The following HACD3 variants were observed in gnomAD, a reference collection of about 807,000 sequenced individuals.
HACD3 encodes the protein very-long-chain (3R)-3-hydroxyacyl-CoA dehydratase 3.
Under a neutral mutation model 55.2 loss-of-function variants are expected in HACD3, and 30 were observed. The ratio of observed to expected loss-of-function variants is 0.54; its 90% CI spans 0.41 to 0.74. HACD3 has a LOEUF of 0.74. Ranked by LOEUF, HACD3 falls within the 30% of genes least tolerant of loss-of-function variation. The pLI is 0.00. For synonymous variants in HACD3, 141 were observed against 151.7 expected (o/e 0.93, Z 0.52); for missense variants, 363 against 440.1 (o/e 0.82, Z 1.57).
chr15:65,541,612 G>T (rs2072019763), intron 1 of HACD3, among the ~76,000 whole-genome samples: 1 of 152,214 alleles, frequency 6.6e-6, no homozygotes, highest in Admixed American at 6.5e-5. Flanking sequence ...AGCAGGGACA[G>T]TTCTATGATT....
chr15:65,571,464 G>T (rs1596219820), intron 8 of HACD3, 84 bp from the exon 9 acceptor site: 4 of 990,596 alleles, frequency 4.0e-6, no homozygotes, highest in Admixed American at 2.1e-5. Flanking sequence ...CTGAGAAATA[G>T]AATTCTTCTA....
chr15:65,564,448 G>A, intron 7 of HACD3, 106 bp downstream of exon 7: 2 of 1,366,768 alleles, frequency 1.5e-6, no homozygotes, highest in South Asian at 1.5e-5. Context: ...ACATACCTGA[G>A]ACTGGGCAGT....
At chr15:65,533,907 C>T (rs1157504290) in intron 1 of HACD3, among the ~76,000 whole-genome samples, 2 of 151,890 alleles carry the variant, frequency 1.3e-5, no homozygotes, top group East Asian at 3.9e-4. Flanking sequence ...AAAAAATTAG[C>T]CAGGCGTGGT....
At chr15:65,551,571 G>GT (rs1296295679) in intron 1 of HACD3, 105 bp from the exon 2 acceptor site, 1 of 1,280,324 alleles carries the variant, frequency 7.8e-7, no homozygotes, top group African/African-American at 1.5e-5. Flanking sequence ...CAGAGTAGGA[G>GT]TTTGAGTCCT....
At chr15:65,530,829 A>G (rs1473788951) in intron 1 of HACD3, 111 bp downstream of exon 1, 29 of 1,087,470 alleles carry the variant, frequency 2.7e-5, no homozygotes, top group Non-Finnish European at 3.7e-5. Flanking sequence ...CAGTGCGCCA[A>G]CAAGGTCGGC....
chr15:65,551,598 G>A, intron 1 of HACD3, 78 bp from the exon 2 acceptor site: 1 of 1,527,828 alleles, frequency 6.5e-7, no homozygotes, highest in Non-Finnish European at 9.1e-7. Flanking sequence ...AGAGGGATGA[G>A]GGGAAGAAGC....
At chr15:65,540,036 A>T (rs2072005024) in intron 1 of HACD3, among the ~76,000 whole-genome samples, 1 of 152,190 alleles carries the variant, frequency 6.6e-6, no homozygotes, top group East Asian at 1.9e-4. Context: ...GAAATTGTAT[A>T]ATGTATCTGT....
intron 1 of HACD3, among the ~76,000 whole-genome samples, chr15:65,550,338 G>A (rs1481288496): frequency 2.0e-5 from 3 of 152,104 alleles, no homozygotes; most frequent in African/African-American, 7.2e-5. Flanking sequence ...AGTGAGCCGA[G>A]ACTGAGCCAT....
At chr15:65,566,374 G>C (rs987028673) in intron 7 of HACD3, 1 of 153,316 alleles carries the variant, frequency 6.5e-6, no homozygotes, top group African/African-American at 2.4e-5. Flanking sequence ...CCTGAAACCA[G>C]GCCGTTTACA....
intron 10 of HACD3, among the ~76,000 whole-genome samples, chr15:65,574,963 G>C (rs909710550): frequency 6.6e-6 from 1 of 152,130 alleles, no homozygotes; most frequent in South Asian, 2.1e-4. Context: ...GGGTAGAGGG[G>C]TAGAAATATT....
In HACD3 at chr15:65,562,805, T is replaced by A. The variant is rs1003443238; in HGVS notation, c.453T>A (p.Phe151Leu). Reference sequence around the variant, plus strand: ...CAAACTTAAGGAAAGGATACCTGTTTATGTATAATCTTGTGCAATTCTTGG... The same window carrying A: ...CAAACTTAAGGAAAGGATACCTGTTAATGTATAATCTTGTGCAATTCTTGG... ...TLTNLRKGYL[F>L]MYNLVQFLGF... The change falls in exon 6 of 11, where the codon TTT becomes TTA. Residue 151 changes from phenylalanine (F) to leucine (L), a missense_variant. Coordinates refer to ENST00000261875, the MANE Select transcript of HACD3 (RefSeq NM_016395.4). 1 of 1,613,888 alleles carries A rather than the reference T, an allele frequency of 6.2e-7. No individual in the cohort carries two copies. The highest frequency in any genetic ancestry group is 1.1e-5 in the South Asian group (1 of 91,074).
chr15:65,572,631 A>C (rs780894877), intron 10 of HACD3, among the ~76,000 whole-genome samples: 1 of 152,220 alleles, frequency 6.6e-6, no homozygotes, highest in Non-Finnish European at 1.5e-5. Flanking sequence ...AAAACAATGT[A>C]AGGGGACAGG....
chr15:65,553,804 G>A (rs1410029459), intron 2 of HACD3, among the ~76,000 whole-genome samples: 1 of 152,220 alleles, frequency 6.6e-6, no homozygotes, highest in African/African-American at 2.4e-5. Flanking sequence ...AGGAAAGAGA[G>A]TCCCAGAAGG....
intron 5 of HACD3, among the ~76,000 whole-genome samples, chr15:65,561,492 C>T (rs958204583): frequency 1.3e-5 from 2 of 151,922 alleles, no homozygotes; most frequent in Non-Finnish European, 2.9e-5. Flanking sequence ...AAAAATTGAG[C>T]CGGAGCTGAG....
chr15:65,557,113 C>G (rs1443609552), intron 4 of HACD3, among the ~76,000 whole-genome samples: 1 of 152,192 alleles, frequency 6.6e-6, no homozygotes, highest in Non-Finnish European at 1.5e-5. Flanking sequence ...TCTCTTACAA[C>G]TAGACTAAGG....
intron 1 of HACD3, among the ~76,000 whole-genome samples, chr15:65,546,053 G>T (rs1478798238): frequency 6.6e-6 from 1 of 152,156 alleles, no homozygotes; most frequent in East Asian, 1.9e-4. Context: ...AGTTATTCTG[G>T]TCTTAGCTGA....
intron 5 of HACD3, 38 bp from the exon 6 acceptor site, chr15:65,562,735 AT>A: frequency 6.2e-7 from 1 of 1,603,154 alleles, no homozygotes; most frequent in South Asian, 1.1e-5. Flanking sequence ...TGCTGGGACT[AT>A]TGCTTTTAAT....
intron 1 of HACD3, 94 bp downstream of exon 1, chr15:65,530,812 G>A (rs2071889613): frequency 8.1e-7 from 1 of 1,238,390 alleles, no homozygotes; most frequent in Admixed American, 2.8e-5. Flanking sequence ...GCGCGCCGGA[G>A]AGCCTGCAGT....
At chr15:65,547,246 A>G (rs1567333526) in intron 1 of HACD3, among the ~76,000 whole-genome samples, 1 of 151,998 alleles carries the variant, frequency 6.6e-6, no homozygotes, top group Non-Finnish European at 1.5e-5. Flanking sequence ...CCTCTTGAGT[A>G]GCTGGGATTA....
Sources: allele counts gnomAD v4.1 joint callset (sites outside exome capture counted in the v4.1 genomes callset), GRCh38; gene constraint gnomAD v4.1.1; transcripts MANE v1.5; gene names NCBI Gene and HGNC (gene_info 2026-07-23, HGNC 2026-07-21).